The following ASCC1 variants were observed in gnomAD, a reference collection of about 807,000 sequenced individuals.
ASCC1 encodes activating signal cointegrator 1 complex subunit 1.
A neutral mutation model predicts 46.6 loss-of-function variants in ASCC1; 35 were observed. That is an observed-to-expected ratio of 0.75 (90% confidence interval 0.57 to 0.99). The LOEUF (loss-of-function observed/expected upper bound fraction) is 0.99. ASCC1 is among the 50% of genes least tolerant of loss of function. ASCC1 has a pLI of 0.00. For missense variants in ASCC1, 376 were observed against 428.7 expected (o/e 0.88, Z 1.09); for synonymous variants, 143 against 146.6 (o/e 0.98, Z 0.18).
chr10:72,199,692 A>G (rs1856213300), intron 4 of ASCC1, among the ~76,000 whole-genome samples: 1 of 152,016 alleles, frequency 6.6e-6, no homozygotes, highest in African/African-American at 2.4e-5. Context: ...CCCCGGCATG[A>G]GCTAACACGC....
intron 6 of ASCC1, among the ~76,000 whole-genome samples, chr10:72,154,383 A>C (rs1848707808): frequency 6.6e-6 from 1 of 152,160 alleles, no homozygotes; most frequent in Non-Finnish European, 1.5e-5. Flanking sequence ...ACCTGAACCC[A>C]CTGACCAAGC....
At chr10:72,159,789 T>C (rs1029160217) in intron 6 of ASCC1, among the ~76,000 whole-genome samples, 11 of 152,048 alleles carry the variant, frequency 7.2e-5, no homozygotes, top group African/African-American at 2.7e-4. Context: ...TCAGAAAGGA[T>C]AGAAGACTGC....
intron 5 of ASCC1, among the ~76,000 whole-genome samples, chr10:72,194,477 G>A (rs1388840924): frequency 6.6e-6 from 1 of 151,714 alleles, no homozygotes; most frequent in Non-Finnish European, 1.5e-5. Flanking sequence ...TTTCCTGAAG[G>A]TAATCTGGAT....
chr10:72,152,169 TG>T (rs1848426650), intron 7 of ASCC1, among the ~76,000 whole-genome samples: 3 of 141,868 alleles, frequency 2.1e-5, no homozygotes, highest in Admixed American at 2.0e-4. Flanking sequence ...ATTTTGTTTT[TG>T]GGTTTTTTTT....
At chr10:72,181,190 T>C (rs759699573) in intron 5 of ASCC1, among the ~76,000 whole-genome samples, 4 of 152,130 alleles carry the variant, frequency 2.6e-5, no homozygotes, top group Non-Finnish European at 5.9e-5. Flanking sequence ...GGTCTCGATC[T>C]CTTGACCTTG....
intron 9 of ASCC1, among the ~76,000 whole-genome samples, chr10:72,125,061 T>C (rs1371356809): frequency 6.6e-6 from 1 of 152,210 alleles, no homozygotes; most frequent in Non-Finnish European, 1.5e-5. Context: ...GGCTTCCATC[T>C]GCAACAGTCA....
chr10:72,133,586 T>C (rs1845850240), intron 7 of ASCC1: 1 of 283,962 alleles, frequency 3.5e-6, no homozygotes. Context: ...GATCACAGCA[T>C]ATTCAAAAAA....
intron 9 of ASCC1, among the ~76,000 whole-genome samples, chr10:72,126,018 T>C (rs981420158): frequency 3.9e-5 from 6 of 152,358 alleles, no homozygotes; most frequent in African/African-American, 2.4e-5. Context: ...TTTAGACTAA[T>C]TGGCACACTC....
chr10:72,192,213 T>C (rs1259011841), intron 5 of ASCC1, among the ~76,000 whole-genome samples: 1 of 151,978 alleles, frequency 6.6e-6, no homozygotes, highest in African/African-American at 2.4e-5. Context: ...CCCAGCACTT[T>C]GGGAGGCTGA....
At chr10:72,190,184 G>A (rs1375891577) in intron 5 of ASCC1, 6 of 763,628 alleles carry the variant, frequency 7.9e-6, no homozygotes, top group South Asian at 1.3e-5. Context: ...TGCAACTTAC[G>A]GCAAGCCTGT....
chr10:72,204,477 A>G, intron 3 of ASCC1: 1 of 1,550,490 alleles, frequency 6.4e-7, no homozygotes, highest in Non-Finnish European at 8.7e-7. Context: ...TGGAACCCAC[A>G]GTCGTTTGAT....
chr10:72,140,743 A>G (rs1846865781), intron 7 of ASCC1, among the ~76,000 whole-genome samples: 1 of 152,236 alleles, frequency 6.6e-6, no homozygotes, highest in Non-Finnish European at 1.5e-5. Flanking sequence ...AAGCAAAAAC[A>G]ATGTAAAAAG....
At chr10:72,130,076 T>C (rs192533294) in intron 8 of ASCC1, among the ~76,000 whole-genome samples, 1 of 151,198 alleles carries the variant, frequency 6.6e-6, no homozygotes, top group African/African-American at 2.4e-5. Flanking sequence ...GAAAATATTA[T>C]GCTAAGTGAA....
At chr10:72,162,531 G>A (rs927332763) in intron 5 of ASCC1, among the ~76,000 whole-genome samples, 1 of 151,964 alleles carries the variant, frequency 6.6e-6, no homozygotes, top group East Asian at 1.9e-4. Flanking sequence ...CTGCAGTGGT[G>A]CAGTCACAGC....
intron 9 of ASCC1, among the ~76,000 whole-genome samples, chr10:72,124,237 G>C (rs997606259): frequency 2.0e-5 from 3 of 152,078 alleles, no homozygotes; most frequent in East Asian, 3.8e-4. Flanking sequence ...TAAATTAAAA[G>C]ATTCTTATAT....
At chr10:72,140,524 T>C (rs1846841214) in intron 7 of ASCC1, among the ~76,000 whole-genome samples, 1 of 152,218 alleles carries the variant, frequency 6.6e-6, no homozygotes, top group Admixed American at 6.5e-5. Flanking sequence ...ATAATATCTA[T>C]ATTCACTAAC....
chr10:72,147,263 A>AT (rs1564645919), intron 7 of ASCC1, among the ~76,000 whole-genome samples: 2 of 151,378 alleles, frequency 1.3e-5, no homozygotes, highest in Admixed American at 6.6e-5. Context: ...AACACCTTTT[A>AT]TTTTTTTTGT....
intron 9 of ASCC1, among the ~76,000 whole-genome samples, chr10:72,121,517 T>TA (rs1021726905): frequency 0.012 from 1,476 of 126,514 alleles, 16 homozygotes; most frequent in African/African-American, 0.044. Flanking sequence ...GATGGGTTCT[T>TA]AAAAAAAAAA....
intron 7 of ASCC1, 116 bp from the exon 8 acceptor site, chr10:72,133,297 T>C (rs1845815835): frequency 2.9e-6 from 3 of 1,041,274 alleles, no homozygotes; most frequent in East Asian, 2.5e-5. Flanking sequence ...TACAAAGCCC[T>C]GCATCACAGG....
Sources: allele counts gnomAD v4.1 joint callset (sites outside exome capture counted in the v4.1 genomes callset), GRCh38; gene constraint gnomAD v4.1.1; transcripts MANE v1.5; gene names NCBI Gene and HGNC (gene_info 2026-07-23, HGNC 2026-07-21).